The following DPP10 variants were observed in gnomAD, a reference collection of about 807,000 sequenced individuals.
DPP10 encodes the protein inactive dipeptidyl peptidase 10.
In DPP10, 33 loss-of-function variants were observed where a neutral mutation model predicts 120.9. The ratio of observed to expected loss-of-function variants is 0.27; its 90% CI spans 0.21 to 0.37. DPP10 has a LOEUF of 0.37. DPP10 is among the 10% of genes least tolerant of loss of function. The pLI, the probability that DPP10 is intolerant of heterozygous loss-of-function variation, is 1.00. For synonymous variants in DPP10, 337 were observed against 326.1 expected (o/e 1.03, Z -0.36); for missense variants, 816 against 942.8 (o/e 0.87, Z 1.76).
chr2:115,123,403 A>C (rs1289466830), intron 1 of DPP10, among the ~76,000 whole-genome samples: 1 of 152,134 alleles, frequency 6.6e-6, no homozygotes, highest in Non-Finnish European at 1.5e-5. Flanking sequence ...TCACATGCTC[A>C]GTGGCCTGCT....
At chr2:115,649,860 A>G (rs1455935528) in intron 5 of DPP10, among the ~76,000 whole-genome samples, 1 of 152,074 alleles carries the variant, frequency 6.6e-6, no homozygotes, top group Admixed American at 6.6e-5. Flanking sequence ...TAGCCACCAG[A>G]CATTCTCTCT....
chr2:115,277,781 A>G (rs977214131), intron 1 of DPP10, among the ~76,000 whole-genome samples: 1 of 152,130 alleles, frequency 6.6e-6, no homozygotes, highest in Non-Finnish European at 1.5e-5. Context: ...TATATCACAT[A>G]TGTAAAATAT....
At chr2:115,128,949 T>A (rs1390200712) in intron 1 of DPP10, among the ~76,000 whole-genome samples, 1 of 152,154 alleles carries the variant, frequency 6.6e-6, no homozygotes, top group Non-Finnish European at 1.5e-5. Context: ...CAATACATTG[T>A]CCATTGGCTA....
chr2:115,764,260 TAAG>T (rs1422962511), intron 12 of DPP10, among the ~76,000 whole-genome samples: 1 of 152,090 alleles, frequency 6.6e-6, no homozygotes, highest in Non-Finnish European at 1.5e-5. Context: ...ACTGAGTGAT[TAAG>T]AAGAAAAGTA....
intron 1 of DPP10, among the ~76,000 whole-genome samples, chr2:115,241,816 T>C (rs910765804): frequency 5.9e-5 from 9 of 152,234 alleles, no homozygotes; most frequent in Non-Finnish European, 1.2e-4. Flanking sequence ...TGAAAATCCT[T>C]CTATACCTCA....
intron 5 of DPP10, among the ~76,000 whole-genome samples, chr2:115,625,004 T>C (rs1364272141): frequency 6.6e-6 from 1 of 151,600 alleles, no homozygotes; most frequent in Admixed American, 6.6e-5. Context: ...TAAAGGTTAG[T>C]GTTCTCTATC....
At chr2:115,735,376 G>A (rs1032444417) in intron 8 of DPP10, among the ~76,000 whole-genome samples, 1 of 152,068 alleles carries the variant, frequency 6.6e-6, no homozygotes, top group Non-Finnish European at 1.5e-5. Context: ...AACTTATTAT[G>A]TGATCTTAGT....
chr2:115,349,131 C>T (rs1574512336), intron 3 of DPP10, among the ~76,000 whole-genome samples: 2 of 152,160 alleles, frequency 1.3e-5, no homozygotes, highest in East Asian at 3.9e-4. Flanking sequence ...TGCAAAATGG[C>T]ATGCTGGGAT....
At chr2:114,541,684 T>A (rs1686965789) in intron 1 of DPP10, among the ~76,000 whole-genome samples, 1 of 152,228 alleles carries the variant, frequency 6.6e-6, no homozygotes, top group African/African-American at 2.4e-5. Context: ...CCTGATGGCA[T>A]GTTACCAAAG....
chr2:115,302,862 TAGA>T (rs1161974858), intron 1 of DPP10, among the ~76,000 whole-genome samples: 1 of 152,046 alleles, frequency 6.6e-6, no homozygotes, highest in Non-Finnish European at 1.5e-5. Flanking sequence ...CCTCTAATCA[TAGA>T]AGAAGGATAA....
intron 3 of DPP10, among the ~76,000 whole-genome samples, chr2:115,482,246 G>A (rs2075479640): frequency 6.6e-6 from 1 of 151,162 alleles, no homozygotes; most frequent in East Asian, 1.9e-4. Flanking sequence ...AATTTTTATT[G>A]TGTCTATTTA....
At chr2:114,946,676 G>T (rs1399447570) in intron 1 of DPP10, among the ~76,000 whole-genome samples, 2 of 151,656 alleles carry the variant, frequency 1.3e-5, no homozygotes, top group Non-Finnish European at 2.9e-5. Flanking sequence ...TACATCAATA[G>T]ATTTTTCTTG....
intron 3 of DPP10, among the ~76,000 whole-genome samples, chr2:115,464,581 T>C (rs2074198314): frequency 6.6e-6 from 1 of 151,718 alleles, no homozygotes; most frequent in Non-Finnish European, 1.5e-5. Flanking sequence ...ATGTTGAAAC[T>C]GTTTACACAT....
At chr2:115,601,904 A>G (rs373666516) in intron 5 of DPP10, among the ~76,000 whole-genome samples, 1 of 151,532 alleles carries the variant, frequency 6.6e-6, no homozygotes, top group South Asian at 2.1e-4. Context: ...GATGGTCTCA[A>G]TCTTCTGACC....
intron 1 of DPP10, among the ~76,000 whole-genome samples, chr2:114,881,688 A>T (rs1295574744): frequency 6.6e-6 from 1 of 152,088 alleles, no homozygotes; most frequent in Non-Finnish European, 1.5e-5. Context: ...TGAATTAATA[A>T]GACCTGAGGA....
chr2:114,881,770 A>G (rs191241438), intron 1 of DPP10, among the ~76,000 whole-genome samples: 1 of 152,278 alleles, frequency 6.6e-6, no homozygotes, highest in East Asian at 1.9e-4. Context: ...GCATCATTGG[A>G]TATGACTGTT....
At chr2:115,693,919 C>G (rs1450598063) in intron 7 of DPP10, among the ~76,000 whole-genome samples, 1 of 151,976 alleles carries the variant, frequency 6.6e-6, no homozygotes, top group Admixed American at 6.5e-5. Context: ...AGTATCTGGC[C>G]TATAATAAGT....
chr2:115,649,285 A>T (rs761752745), intron 5 of DPP10, among the ~76,000 whole-genome samples: 12 of 152,126 alleles, frequency 7.9e-5, no homozygotes, highest in Non-Finnish European at 1.2e-4. Flanking sequence ...AACCAAATGG[A>T]TTATAATGGG....
chr2:114,456,905 C>T lies in DPP10; in HGVS notation c.60+14067C>T, dbSNP rs79753380. On this transcript the variant is annotated intron_variant, in intron 1 of 25. Coordinates refer to ENST00000410059, the MANE Select transcript of DPP10 (RefSeq NM_020868.6). ...ACAGTGTGTGTGGTCTATTCCTGGA[C>T]ACTGTGGTTATAGAGTCCAAGTTCT... 8.6e-3 allele frequency among the ~76,000 whole-genome samples: 1,315 copies of T among 152,098 alleles called. 28 individuals are homozygous for T. The highest frequency in any genetic ancestry group is 0.03 in the African/African-American group (1,241 of 41,380).
Sources: gnomAD v4.1 joint callset for allele counts (sites outside exome capture counted in the v4.1 genomes callset) on GRCh38, gnomAD v4.1.1 for gene constraint, MANE v1.5 for transcripts, NCBI Gene and HGNC (gene_info 2026-07-23, HGNC 2026-07-21) for gene names.